Variants in NCAPD2 observed in about 807,000 individuals in gnomAD.
The protein encoded by NCAPD2 is non-SMC condensin I complex subunit D2, also known as condensin complex subunit 1.
Under a neutral mutation model 164.5 loss-of-function variants are expected in NCAPD2, and 100 were observed. The observed-to-expected ratio is 0.61, with a 90% confidence interval of 0.52 to 0.72. The LOEUF is 0.72. NCAPD2 is among the 30% of genes least tolerant of loss of function. NCAPD2 has a pLI of 0.00. For synonymous variants in NCAPD2, 585 were observed against 642.6 expected (o/e 0.91, Z 1.36); for missense variants, 1,560 against 1,749.2 (o/e 0.89, Z 1.93).
chr12:6,531,235 C>T lies in NCAPD2; in HGVS notation c.4121-92C>T, dbSNP rs560502141. 4.1e-5 allele frequency: 61 copies of T among 1,478,754 alleles called. No individual in the cohort carries two copies. The African/African-American group carries it at 6.7e-4, about 16-fold the overall frequency. 91.6% of individuals were successfully genotyped at this position (1,478,754 alleles called of 1,614,324 possible). A position where few individuals can be genotyped will look rare whatever the true frequency, so the allele number is the denominator to read the frequency against. The stretch of plus-strand genomic sequence containing the variant: ...CAGCTTGGATTTTATTTCTTCTGTG[C>T]GGTGTGGGATTGTCTCACTTGTTCT... On this transcript the variant is annotated intron_variant, in intron 31 of 31. Coordinates refer to ENST00000315579, the MANE Select transcript of NCAPD2 (RefSeq NM_014865.4). This position sits in a 1 kb window ranked among gnomAD's most constrained non-coding sequence, Gnocchi z 4.1.
At chr12:6,526,402 T>C (rs762118624) in intron 20 of NCAPD2, 31 bp downstream of exon 20, 1 of 1,614,112 alleles carries the variant, frequency 6.2e-7, no homozygotes, top group Admixed American at 1.7e-5. Flanking sequence ...TTGGGCAGAA[T>C]TGGGCCCTTT....
chr12:6,530,544 T>C lies in NCAPD2; in HGVS notation c.3838-147T>C, dbSNP rs144947491. The C allele has an allele frequency of 2.5e-5, 25 of 984,966 alleles. No individual in the cohort carries two copies. The East Asian group carries it at 5.9e-4, about 23-fold the overall frequency. The allele number at this position is 984,966 out of a possible 1,614,324, so 61.0% of individuals were successfully genotyped here. On this transcript the variant is annotated intron_variant, in intron 29 of 31. Coordinates refer to ENST00000315579, the MANE Select transcript of NCAPD2 (RefSeq NM_014865.4). The stretch of plus-strand genomic sequence containing the variant: ...ATCACTTTGTCTTTTCCAGAATGTA[T>C]CATTGGAATGATCCGGTATGGAGCC...
In NCAPD2 at chr12:6,530,694, A is replaced by G. The variant is rs1403853695; in HGVS notation, c.3841A>G (p.Ile1281Val). Residue 1281 changes from isoleucine to valine, a missense_variant, in exon 30 of 32, where the codon ATA (isoleucine) becomes GTA (valine). Transcript: ENST00000315579. Reference sequence around the variant, plus strand: ...GAATCTCCTTTTCTCCCTCCAGGCTATAATAGATGAATTTGAGCAGAAGCT... The same window carrying G: ...GAATCTCCTTTTCTCCCTCCAGGCTGTAATAGATGAATTTGAGCAGAAGCT... ...RRGAKPEGKA[I>V]IDEFEQKLRA... 22 of 1,614,096 alleles carry G rather than the reference A, an allele frequency of 1.4e-5. No homozygotes were observed. Among genetic ancestry groups the G allele is most frequent in the Middle Eastern group, 1.6e-4 (1 of 6,062 alleles).
At chr12:6,519,617 T>C (rs968102102) in intron 13 of NCAPD2, among the ~76,000 whole-genome samples, 6 of 152,008 alleles carry the variant, frequency 3.9e-5, no homozygotes, top group Non-Finnish European at 7.4e-5. Flanking sequence ...CATGTATTCT[T>C]TTTTTCCCCC....
At position 6,526,559 on chromosome 12, in the gene NCAPD2, G is replaced by C. The variant is rs149823221; in HGVS notation, c.2678G>C (p.Cys893Ser). ...ATCTGTGCCCAGATATTGCAGGGCT[G>C]TGCAAAACAGGCCCTGGAGAAGCTA... ...EVICAQILQG[C>S]AKQALEKLEE... The change falls in exon 21 of 32, where the codon TGT becomes TCT. Residue 893 changes from cysteine (C) to serine (S), a missense_variant. Transcript: ENST00000315579. 58 of 1,614,090 alleles carry C rather than the reference G, an allele frequency of 3.6e-5. No homozygotes were observed. Among genetic ancestry groups the C allele is most frequent in the Non-Finnish European group, 4.7e-5 (56 of 1,180,040 alleles).
rs58563520 is a variant in NCAPD2, at chr12:6,503,008, CTTT to C, written c.128-6690_128-6688del. Among the ~76,000 whole-genome samples, 18 of 86,296 alleles carry C rather than the reference CTTT, an allele frequency of 2.1e-4. No homozygotes were observed. In the East Asian group the frequency reaches 2.1e-3, roughly 10 times the overall value. The allele number at this position is 86,296 out of a possible 152,430, so 56.6% of individuals were successfully genotyped here. A position where few individuals can be genotyped will look rare whatever the true frequency, so the allele number is the denominator to read the frequency against. On this transcript the variant is annotated intron_variant, in intron 2 of 31. Transcript: ENST00000315579. ...TACAGGCGCATGCCACCACACCTGG[CTTT>C]TTTTTTTTTTTTTTTTTTGTATTTT...
rs1946257692 is a variant in NCAPD2, at chr12:6,520,943, C to G, written c.1590-43C>G. The G allele has an allele frequency of 1.9e-6, 3 of 1,611,954 alleles. No homozygotes were observed. The African/African-American group carries it at 4.0e-5, about 22-fold the overall frequency. On this transcript the variant is annotated intron_variant, in intron 13 of 31. Coordinates refer to ENST00000315579, the MANE Select transcript of NCAPD2 (RefSeq NM_014865.4). ...AGGTAAGCTCCCTTACAAACGGCTG[C>G]AGTGACATTCTTCTGGGTACTGACA... is the stretch of plus-strand genomic sequence containing the variant.
chr12:6,523,245 C>CTCTG lies in NCAPD2; in HGVS notation c.2130-16_2130-13dup. 1 of 1,611,132 alleles carries CTCTG rather than the reference C, an allele frequency of 6.2e-7. No homozygotes were observed. Among genetic ancestry groups the CTCTG allele is most frequent in the Admixed American group, 1.7e-5 (1 of 59,912 alleles). ...TCCCAATCTTATAGTGACCGCTGAT[C>CTCTG]TCTGCTGTTCCCACAGAGCCAAGGC... On this transcript the variant is annotated splice_polypyrimidine_tract_variant and intron_variant, in intron 16 of 31. Coordinates refer to ENST00000315579, the MANE Select transcript of NCAPD2 (RefSeq NM_014865.4).
At chr12:6,516,255 G>A (rs535281349) in intron 9 of NCAPD2, among the ~76,000 whole-genome samples, 8 of 151,022 alleles carry the variant, frequency 5.3e-5, no homozygotes, top group African/African-American at 1.9e-4. Flanking sequence ...TATAATCTCA[G>A]CACTTTGGGA....
Position 6,514,313 on chromosome 12 carries a change from T to G in NCAPD2, c.636T>G (p.Asn212Lys). 6.2e-7 allele frequency: 1 copy of G among 1,614,160 alleles called. No individual in the cohort carries two copies. The highest frequency in any genetic ancestry group is 1.1e-5 in the South Asian group (1 of 91,082). ...GCCTTCTGGAGAATCCCACCATTAA[T>G]CACCAGAAGAACCGCCCCACTCGGG... ...CYRLLENPTI[N>K]HQKNRPTREA... The change falls in exon 7 of 32, where the codon AAT becomes AAG. Residue 212 changes from asparagine (N) to lysine (K), a missense_variant. Physicochemically the swap from Asn to Lys is moderately conservative, Grantham distance 94. Transcript: ENST00000315579.
intron 17 of NCAPD2, among the ~76,000 whole-genome samples, chr12:6,524,027 T>C (rs1946292590): frequency 6.6e-6 from 1 of 152,154 alleles, no homozygotes. Flanking sequence ...CAATGAGAAA[T>C]CTGAGGCACA....
At chr12:6,511,367 T>C (rs931612905) in intron 6 of NCAPD2, 115 bp downstream of exon 6, 1 of 1,267,888 alleles carries the variant, frequency 7.9e-7, no homozygotes, top group Non-Finnish European at 1.1e-6. Flanking sequence ...AGCTTCACTC[T>C]TGTCGCCCAG....
chr12:6,521,457 G>A (rs890072990), intron 14 of NCAPD2, among the ~76,000 whole-genome samples: 3 of 152,214 alleles, frequency 2.0e-5, no homozygotes, highest in African/African-American at 7.2e-5. Flanking sequence ...CAAGGCAGGA[G>A]GATTGCTTGA....
chr12:6,498,597 A>G (rs1452895310), intron 2 of NCAPD2, among the ~76,000 whole-genome samples: 1 of 151,708 alleles, frequency 6.6e-6, no homozygotes, highest in South Asian at 2.1e-4. Flanking sequence ...TAGATACAGT[A>G]AGAGATTAAC....
chr12:6,525,204 A>T (rs1031484858), intron 17 of NCAPD2, among the ~76,000 whole-genome samples: 21 of 152,232 alleles, frequency 1.4e-4, no homozygotes, highest in Admixed American at 8.5e-4. Context: ...CATATTACTG[A>T]TAGAGTGTTG....
chr12:6,525,960 A>G, intron 18 of NCAPD2, 108 bp from the exon 19 acceptor site: 1 of 1,432,860 alleles, frequency 7.0e-7, no homozygotes, highest in Non-Finnish European at 9.5e-7. Flanking sequence ...ATAGTGCTCC[A>G]CGGCTCTAGA....
chr12:6,514,127 A>G (rs1946177427), intron 6 of NCAPD2, 138 bp from the exon 7 acceptor site: 1 of 1,219,396 alleles, frequency 8.2e-7, no homozygotes, highest in South Asian at 1.4e-5. Flanking sequence ...AAGCAAAGCA[A>G]CTTGTTATAG....
intron 18 of NCAPD2, 135 bp from the exon 19 acceptor site, chr12:6,525,933 T>A: frequency 7.7e-7 from 1 of 1,298,846 alleles, no homozygotes; most frequent in Non-Finnish European, 1.0e-6. Context: ...AGGCTGGCCC[T>A]GCGGCAGAGC....
intron 15 of NCAPD2, among the ~76,000 whole-genome samples, chr12:6,522,314 G>T (rs577081121): frequency 2.7e-5 from 4 of 149,398 alleles, no homozygotes; most frequent in Non-Finnish European, 4.5e-5. Context: ...GGCTGGGCGC[G>T]ATGGCTCATG....
Sources: allele counts gnomAD v4.1 joint callset (sites outside exome capture counted in the v4.1 genomes callset), GRCh38; gene constraint gnomAD v4.1.1; non-coding constraint Gnocchi (gnomAD v3.1); transcripts MANE v1.5; gene names NCBI Gene and HGNC (gene_info 2026-07-23, HGNC 2026-07-21).